Variants in ARHGEF28 observed in about 807,000 individuals in gnomAD.
ARHGEF28 encodes the protein 190 kDa guanine nucleotide exchange factor.
Under a neutral mutation model 206.6 loss-of-function variants are expected in ARHGEF28, and 152 were observed. That is an observed-to-expected ratio of 0.74 (90% CI 0.64 to 0.84). ARHGEF28 has a LOEUF of 0.84. Ranked by LOEUF, ARHGEF28 falls within the 40% of genes least tolerant of loss-of-function variation. ARHGEF28 has a pLI of 0.00. For synonymous variants in ARHGEF28, 763 were observed against 776.4 expected, an observed-to-expected ratio of 0.98 and a Z score of 0.29; for missense variants, 2,028 against 2,073.2, an observed-to-expected ratio of 0.98 and a Z score of 0.42.
intron 35 of ARHGEF28, among the ~76,000 whole-genome samples, chr5:73,913,556 C>T (rs934506674): frequency 1.3e-5 from 2 of 152,176 alleles, no homozygotes; most frequent in Admixed American, 1.3e-4. Context: ...AGCTAGGCTC[C>T]GTGGGCGCTT....
At chr5:73,683,781 C>T (rs1747262260) in intron 1 of ARHGEF28, among the ~76,000 whole-genome samples, 1 of 152,100 alleles carries the variant, frequency 6.6e-6, no homozygotes, top group Non-Finnish European at 1.5e-5. Context: ...TGCTATTCTG[C>T]CTCACCTGGC....
intron 18 of ARHGEF28, among the ~76,000 whole-genome samples, chr5:73,866,630 A>AT (rs1469506169): frequency 1.3e-5 from 2 of 152,174 alleles, no homozygotes; most frequent in African/African-American, 4.8e-5. Context: ...TGGTTTGCAT[A>AT]TTTTAAAATT....
chr5:73,827,139 G>C (rs1756962639), intron 9 of ARHGEF28, among the ~76,000 whole-genome samples: 2 of 152,182 alleles, frequency 1.3e-5, no homozygotes, highest in African/African-American at 4.8e-5. Flanking sequence ...CCTATAGGCA[G>C]TTTGATGGCT....
In ARHGEF28 at chr5:73,870,145, G is replaced by C; in HGVS notation, c.2502G>C (p.Val834=). Reference sequence around the variant, plus strand: ...TTGAAGCAGAATCTTGGAGTCTTGTGGTGGATCCCTCATTTTGTAATAGGC... The same window carrying C: ...TTGAAGCAGAATCTTGGAGTCTTGTCGTGGATCCCTCATTTTGTAATAGGC... ...QEFEAESWSL[V]VDPSFCNRQE... The change falls in exon 21 of 36, where the codon GTG becomes GTC. Residue 834 remains valine, a synonymous_variant. Coordinates refer to ENST00000513042, the MANE Select transcript of ARHGEF28 (RefSeq NM_001177693.2). 1.2e-6 allele frequency: 2 copies of C among 1,613,872 alleles called. No individual in the cohort carries two copies. Among genetic ancestry groups the C allele is most frequent in the South Asian group, 1.1e-5 (1 of 91,060 alleles).
chr5:73,846,520 T>C (rs1758375095), intron 12 of ARHGEF28, 45 bp downstream of exon 12: 2 of 1,563,388 alleles, frequency 1.3e-6, no homozygotes, highest in South Asian at 1.1e-5. Context: ...GTGTGGAGAA[T>C]ATGTTGTCTG....
intron 35 of ARHGEF28, among the ~76,000 whole-genome samples, chr5:73,940,011 A>C (rs1168059434): frequency 1.3e-5 from 2 of 152,074 alleles, no homozygotes; most frequent in Non-Finnish European, 2.9e-5. Flanking sequence ...CTGGACTTCC[A>C]TTCCTACTCA....
Position 73,909,833 on chromosome 5 carries a change from TG to T in ARHGEF28, c.4586del (p.Gly1529AlafsTer22). 6.5e-7 allele frequency: 1 copy of T among 1,539,620 alleles called. No individual in the cohort carries two copies. The highest frequency in any genetic ancestry group is 1.2e-5 in the South Asian group (1 of 80,592). ...AGGATGCGGGCCCAGCAGAGCCTGC[TG>T]GGCCACTGGAAGCACGGCCGGCAGA... ...QARMRAQQSL[L>X]GHWKHGRQRS... On this transcript the variant is annotated frameshift_variant, in exon 34 of 36. Transcript: ENST00000513042. LOFTEE classifies it high-confidence loss of function.
chr5:73,873,387 G>C (rs944932203), intron 22 of ARHGEF28, 141 bp downstream of exon 22: 54 of 1,167,578 alleles, frequency 4.6e-5, no homozygotes, highest in African/African-American at 9.4e-5. Context: ...ACCATCGTTA[G>C]ATTGTAACTC....
chr5:73,864,541 T>G (rs1759589140), intron 16 of ARHGEF28, among the ~76,000 whole-genome samples: 1 of 152,164 alleles, frequency 6.6e-6, no homozygotes. Context: ...ATTGCAGAAG[T>G]GTATATCATT....
In ARHGEF28 at chr5:73,864,798, T is replaced by C; in HGVS notation, c.2048-19T>C. ...ATTAAGTAAGATGGATGCTTTTGTA[T>C]CTTTTCCCTTTATTTCAGACTGTAA... On this transcript the variant is annotated intron_variant, in intron 16 of 35. Coordinates refer to ENST00000513042, the MANE Select transcript of ARHGEF28 (RefSeq NM_001177693.2). 6.2e-7 allele frequency: 1 copy of C among 1,609,294 alleles called. No individual in the cohort carries two copies. The highest frequency in any genetic ancestry group is 8.5e-7 in the Non-Finnish European group (1 of 1,177,458).
Position 73,867,993 on chromosome 5 carries a change from G to A in ARHGEF28, c.2270G>A (p.Arg757Lys). ...GTGGGACAGGTCCATCCATTGTCCA[G>A]AAGTGTTCCAGGCACCACCTTGGAA... is the stretch of plus-strand genomic sequence containing the variant. ...ETVGQVHPLS[R>K]SVPGTTLESF... The change falls in exon 19 of 36, where the codon AGA becomes AAA. Residue 757 changes from arginine (R) to lysine (K), a missense_variant. This residue lies in a region of ARHGEF28 where 1,002 missense variants were observed against 1,015.3 expected (regional missense o/e 0.99). Coordinates refer to ENST00000513042, the MANE Select transcript of ARHGEF28 (RefSeq NM_001177693.2). The A allele has an allele frequency of 6.2e-7, 1 of 1,613,972 alleles. No homozygotes were observed. The highest frequency in any genetic ancestry group is 1.3e-5 in the African/African-American group (1 of 75,050).
intron 35 of ARHGEF28, among the ~76,000 whole-genome samples, chr5:73,920,551 T>TTG (rs1355729596): frequency 1.4e-5 from 2 of 145,306 alleles, no homozygotes; most frequent in Non-Finnish European, 3.0e-5. Flanking sequence ...CTAGGTTTTT[T>TTG]TTTTTTTTTT....
At chr5:73,710,131 C>A (rs1225140251) in intron 2 of ARHGEF28, among the ~76,000 whole-genome samples, 2 of 152,174 alleles carry the variant, frequency 1.3e-5, no homozygotes, top group African/African-American at 4.8e-5. Context: ...TAAAAAACTG[C>A]AAATCTGTTT....
chr5:73,714,209 G>A (rs903197628), intron 2 of ARHGEF28, among the ~76,000 whole-genome samples: 2 of 152,182 alleles, frequency 1.3e-5, no homozygotes, highest in African/African-American at 2.4e-5. Flanking sequence ...ACCAGATAAG[G>A]AGAAGATCAA....
At chr5:73,852,800 T>A in intron 14 of ARHGEF28, 108 bp downstream of exon 14, 2 of 1,195,012 alleles carry the variant, frequency 1.7e-6, no homozygotes, top group Non-Finnish European at 2.5e-6. Flanking sequence ...GGTTTCCATG[T>A]AACAAGCCTG....
At chr5:73,688,191 A>C (rs776211428) in intron 2 of ARHGEF28, among the ~76,000 whole-genome samples, 6 of 152,168 alleles carry the variant, frequency 3.9e-5, no homozygotes, top group Non-Finnish European at 8.8e-5. Context: ...AAAATATATA[A>C]ATTAATAAGA....
intron 35 of ARHGEF28, among the ~76,000 whole-genome samples, chr5:73,928,094 G>A (rs1763916794): frequency 6.6e-6 from 1 of 152,214 alleles, no homozygotes; most frequent in Non-Finnish European, 1.5e-5. Flanking sequence ...AGGTATGTAA[G>A]TTCTTTGACA....
intron 35 of ARHGEF28, among the ~76,000 whole-genome samples, chr5:73,914,391 CTTTTTT>C (rs571265796): frequency 9.7e-6 from 1 of 102,934 alleles, no homozygotes; most frequent in Non-Finnish European, 1.9e-5. Flanking sequence ...TTCTGAATTG[CTTTTTT>C]TTTTTTTTTT....
chr5:73,764,487 C>T (rs138467534), intron 4 of ARHGEF28, among the ~76,000 whole-genome samples: 43 of 152,312 alleles, frequency 2.8e-4, no homozygotes, highest in South Asian at 2.5e-3. Context: ...GAAGTACATT[C>T]CAGTGTTATA....
Sources: allele counts gnomAD v4.1 joint callset (sites outside exome capture counted in the v4.1 genomes callset), GRCh38; gene constraint gnomAD v4.1.1; regional missense constraint gnomAD v4.1.1; transcripts MANE v1.5; gene names NCBI Gene and HGNC (gene_info 2026-07-23, HGNC 2026-07-21).